The following CLASP2 variants were observed in gnomAD, a reference collection of about 807,000 sequenced individuals.
The protein encoded by CLASP2 is cytoplasmic linker associated protein 2.
A neutral mutation model predicts 194.4 loss-of-function variants in CLASP2; 47 were observed. That is an observed-to-expected ratio of 0.24 (90% CI 0.19 to 0.31). CLASP2 has a LOEUF of 0.31. Among genes scored for constraint, CLASP2 ranks in the 10% least tolerant of loss-of-function variants. The pLI is 1.00. For synonymous variants in CLASP2, 619 were observed against 633.5 expected, an observed-to-expected ratio of 0.98 and a Z score of 0.34; for missense variants, 1,445 against 1,823.6, an observed-to-expected ratio of 0.79 and a Z score of 3.78.
intron 21 of CLASP2, among the ~76,000 whole-genome samples, chr3:33,590,079 T>A (rs960025011): frequency 2.2e-4 from 34 of 152,266 alleles, no homozygotes; most frequent in African/African-American, 6.5e-4. Flanking sequence ...TCTGCAGTAT[T>A]TAAAATTTTT....
At chr3:33,577,401 G>T in intron 23 of CLASP2, 2 of 613,920 alleles carry the variant, frequency 3.3e-6, no homozygotes, top group Non-Finnish European at 5.5e-6. Flanking sequence ...TTGCCAAATA[G>T]GGCAATGGAA....
At chr3:33,576,607 C>G (rs909909727) in intron 23 of CLASP2, among the ~76,000 whole-genome samples, 2 of 152,130 alleles carry the variant, frequency 1.3e-5, no homozygotes, top group Non-Finnish European at 2.9e-5. Flanking sequence ...ATCATCCATA[C>G]GGCTGAATCA....
intron 32 of CLASP2, among the ~76,000 whole-genome samples, chr3:33,541,366 T>C (rs6550223): frequency 0.99 from 151,001 of 152,274 alleles, 74,873 homozygotes; most frequent in Middle Eastern, 1. Context: ...GTTCAGGATG[T>C]GCAGACTTGT....
chr3:33,586,498 A>G (rs554542925), intron 21 of CLASP2, among the ~76,000 whole-genome samples: 7 of 152,272 alleles, frequency 4.6e-5, no homozygotes, highest in African/African-American at 1.7e-4. Flanking sequence ...AGGTAGAGTT[A>G]GTAAAATCTT....
At chr3:33,543,959 C>T (rs942568363) in intron 31 of CLASP2, among the ~76,000 whole-genome samples, 1 of 152,092 alleles carries the variant, frequency 6.6e-6, no homozygotes, top group African/African-American at 2.4e-5. Context: ...ATGAAATAAT[C>T]CCTACTCCTT....
chr3:33,675,388 C>CG (rs1433389741), intron 6 of CLASP2, among the ~76,000 whole-genome samples: 2 of 147,486 alleles, frequency 1.4e-5, no homozygotes, highest in Non-Finnish European at 3.1e-5. Context: ...AATTCAACAA[C>CG]CTTCATGCTA....
chr3:33,668,953 G>A (rs1159548109), intron 6 of CLASP2, among the ~76,000 whole-genome samples: 2 of 152,140 alleles, frequency 1.3e-5, no homozygotes, highest in Non-Finnish European at 2.9e-5. Context: ...ATTTCAGTAA[G>A]AACATTAAAG....
intron 34 of CLASP2, among the ~76,000 whole-genome samples, chr3:33,523,435 T>TA (rs1308364768): frequency 6.6e-6 from 1 of 151,978 alleles, no homozygotes; most frequent in East Asian, 1.9e-4. Flanking sequence ...ACCAGTGACA[T>TA]AAAAAGGATC....
chr3:33,593,182 A>G (rs900236920), intron 20 of CLASP2, among the ~76,000 whole-genome samples: 3 of 152,190 alleles, frequency 2.0e-5, no homozygotes, highest in African/African-American at 7.2e-5. Context: ...AAACTAGGCC[A>G]CAAACATCCT....
intron 6 of CLASP2, among the ~76,000 whole-genome samples, chr3:33,677,111 G>A (rs1285372882): frequency 6.6e-6 from 1 of 152,006 alleles, no homozygotes; most frequent in East Asian, 1.9e-4. Flanking sequence ...TGGTGGGACT[G>A]TAAACTAGTT....
intron 6 of CLASP2, among the ~76,000 whole-genome samples, chr3:33,678,521 T>C (rs890159448): frequency 2.6e-5 from 4 of 152,152 alleles, no homozygotes; most frequent in Admixed American, 6.5e-5. Context: ...AGTTTTCTTT[T>C]CTACCAATCT....
chr3:33,527,174 G>A (rs1193993609), intron 34 of CLASP2, among the ~76,000 whole-genome samples: 3 of 152,098 alleles, frequency 2.0e-5, no homozygotes, highest in Non-Finnish European at 1.5e-5. Flanking sequence ...AAAGATCAAT[G>A]GATTCAGGAG....
intron 8 of CLASP2, among the ~76,000 whole-genome samples, chr3:33,634,864 C>T (rs969941972): frequency 6.6e-6 from 1 of 151,902 alleles, no homozygotes; most frequent in African/African-American, 2.4e-5. Flanking sequence ...AATCAATATA[C>T]AAAAATCGAT....
In CLASP2 at chr3:33,607,470, T is replaced by C. The variant is rs778213781; in HGVS notation, c.1449-9A>G. ...CCAAGACGGCTGCATGTCTATAAAA[T>C]AAAATACATCTTTAGAGTTATGATA... On this transcript the variant is annotated splice_polypyrimidine_tract_variant and intron_variant, in intron 14 of 38. Transcript: ENST00000682230. The C allele has an allele frequency of 6.3e-7, 1 of 1,586,338 alleles. No individual in the cohort carries two copies. Among genetic ancestry groups the C allele is most frequent in the Non-Finnish European group, 8.6e-7 (1 of 1,162,116 alleles).
chr3:33,582,072 A>G, intron 22 of CLASP2, 144 bp from the exon 23 acceptor site: 1 of 606,988 alleles, frequency 1.6e-6, no homozygotes, highest in Admixed American at 2.8e-5. Flanking sequence ...CTCTTGCTGA[A>G]GCATTACCAG....
chr3:33,511,795 C>A lies in CLASP2; in HGVS notation c.4111-1031G>T, dbSNP rs1315259294. On this transcript the variant is annotated intron_variant, in intron 36 of 38. Transcript: ENST00000682230. ...AGAAGACATTTATGCAGCCAAAAAA[C>A]ACATGAAGAAATGCTCATCATCACT... Among the ~76,000 whole-genome samples, 2 of 67,964 alleles carry A rather than the reference C, an allele frequency of 2.9e-5. 1 individual carries two copies. Among genetic ancestry groups the A allele is most frequent in the African/African-American group, 1.1e-4 (2 of 18,440 alleles). 44.6% of individuals were successfully genotyped at this position (67,964 alleles called of 152,430 possible). A position where few individuals can be genotyped will look rare whatever the true frequency, so the allele number is the denominator to read the frequency against.
chr3:33,569,668 G>A (rs1184555956), intron 26 of CLASP2, among the ~76,000 whole-genome samples: 2 of 152,042 alleles, frequency 1.3e-5, no homozygotes, highest in South Asian at 2.1e-4. Flanking sequence ...CTTACCAAAT[G>A]TATTTTCTTC....
At chr3:33,695,527 G>T (rs895603708) in intron 2 of CLASP2, among the ~76,000 whole-genome samples, 6 of 151,858 alleles carry the variant, frequency 4.0e-5, no homozygotes, top group African/African-American at 1.5e-4. Flanking sequence ...GAAAATAAAA[G>T]AAAAAACTGA....
chr3:33,594,988 C>A lies in CLASP2; in HGVS notation c.1949-20G>T. ...CTGTTCCTAAATAAGAAAAATAAAA[C>A]AACATTTCAACAAATTCTGCCAATG... On this transcript the variant is annotated intron_variant, in intron 19 of 38. Coordinates refer to ENST00000682230, the MANE Select transcript of CLASP2 (RefSeq NM_001365631.1). 2 of 1,416,554 alleles carry A rather than the reference C, an allele frequency of 1.4e-6. No homozygotes were observed. The highest frequency in any genetic ancestry group is 1.4e-5 in the African/African-American group (1 of 69,156). 87.7% of individuals were successfully genotyped at this position (1,416,554 alleles called of 1,614,324 possible). A position where few individuals can be genotyped will look rare whatever the true frequency, so the allele number is the denominator to read the frequency against.
Sources: gnomAD v4.1 joint callset for allele counts (sites outside exome capture counted in the v4.1 genomes callset) on GRCh38, gnomAD v4.1.1 for gene constraint, MANE v1.5 for transcripts, NCBI Gene and HGNC (gene_info 2026-07-23, HGNC 2026-07-21) for gene names.